The following CLDN18 variants were observed in gnomAD, a reference collection of about 807,000 sequenced individuals.
CLDN18 encodes claudin 18, also known as claudin-18.
In CLDN18, 20 loss-of-function variants were observed where a neutral mutation model predicts 25.0. That is an observed-to-expected ratio of 0.80 (90% CI 0.56 to 1.16). The LOEUF (loss-of-function observed/expected upper bound fraction) is 1.16. Among genes scored for constraint, CLDN18 ranks in the 50% most tolerant of loss-of-function variants. The pLI is 0.00. For synonymous variants in CLDN18, 125 were observed against 135.6 expected (o/e 0.92, Z 0.54); for missense variants, 297 against 345.4 (o/e 0.86, Z 1.11).
Position 138,031,342 on chromosome 3 carries a change from T to A in CLDN18, c.*201T>A. On this transcript the variant is annotated 3_prime_UTR_variant, in exon 5 of 5. Coordinates refer to ENST00000183605, the MANE Select transcript of CLDN18 (RefSeq NM_016369.4). ...TTCCACCATAAAACAGCTGAGTTAT[T>A]TATGAATTAGAGGCTATAGCTCACA... is the stretch of plus-strand genomic sequence containing the variant. 2.3e-6 allele frequency: 1 copy of A among 427,122 alleles called. No individual in the cohort carries two copies. Among genetic ancestry groups the A allele is most frequent in the Non-Finnish European group, 4.1e-6 (1 of 243,682 alleles). The allele number at this position is 427,122 out of a possible 1,614,324, so 26.5% of individuals were successfully genotyped here.
chr3:138,013,111 G>A (rs1942161364), intron 1 of CLDN18, among the ~76,000 whole-genome samples: 1 of 152,194 alleles, frequency 6.6e-6, no homozygotes, highest in Non-Finnish European at 1.5e-5. Flanking sequence ...AGTACGAATA[G>A]TTCATTTTAA....
At chr3:138,022,783 G>A (rs967065707) in intron 1 of CLDN18, among the ~76,000 whole-genome samples, 4 of 152,168 alleles carry the variant, frequency 2.6e-5, no homozygotes, top group African/African-American at 9.7e-5. Flanking sequence ...ACTGTCATTC[G>A]CCACTTTGGC....
At chr3:138,009,991 G>A (rs1291500133), upstream of CLDN18, 6 of 633,508 alleles carry the variant, frequency 9.5e-6, no homozygotes, top group Non-Finnish European at 1.6e-5. Context: ...AACCCACCCG[G>A]CCTGCGGAGA....
intron 4 of CLDN18, among the ~76,000 whole-genome samples, chr3:138,030,134 C>A (rs1219635401): frequency 1.3e-5 from 2 of 152,348 alleles, no homozygotes; most frequent in East Asian, 3.9e-4. Flanking sequence ...ATCCATCCTT[C>A]TTTGTTCCTT....
chr3:138,029,453 A>G (rs1377985833), intron 3 of CLDN18, among the ~76,000 whole-genome samples: 2 of 152,176 alleles, frequency 1.3e-5, no homozygotes, highest in Non-Finnish European at 2.9e-5. Context: ...TTGATTTTAT[A>G]TCTTTCAAAT....
chr3:138,019,536 T>C (rs1942247038), intron 1 of CLDN18, among the ~76,000 whole-genome samples: 1 of 152,162 alleles, frequency 6.6e-6, no homozygotes, highest in Non-Finnish European at 1.5e-5. Context: ...TCACTCCCAC[T>C]TCCACTTAGT....
intron 1 of CLDN18, among the ~76,000 whole-genome samples, chr3:138,001,514 G>A (rs557169961): frequency 9.5e-4 from 145 of 151,900 alleles, no homozygotes; most frequent in Non-Finnish European, 1.8e-3. Flanking sequence ...GAGCCACCGC[G>A]CCCGGCAACA....
At chr3:138,011,726 T>C (rs1942138542) in intron 1 of CLDN18, among the ~76,000 whole-genome samples, 1 of 152,174 alleles carries the variant, frequency 6.6e-6, no homozygotes, top group Admixed American at 6.5e-5. Flanking sequence ...TGATGTCTTA[T>C]GACTTCATGT....
At chr3:138,027,466 A>G (rs531971163) in intron 3 of CLDN18, among the ~76,000 whole-genome samples, 22 of 152,208 alleles carry the variant, frequency 1.4e-4, no homozygotes, top group Admixed American at 4.6e-4. Flanking sequence ...ATGCATTAAC[A>G]ATGAGAGTTT....
intron 3 of CLDN18, among the ~76,000 whole-genome samples, chr3:138,026,005 C>G (rs1278542790): frequency 2.6e-5 from 4 of 152,208 alleles, no homozygotes; most frequent in Non-Finnish European, 4.4e-5. Flanking sequence ...CTATAGAATT[C>G]TGAAAGGCCT....
chr3:138,008,664 G>A (rs529731424), upstream of CLDN18, among the ~76,000 whole-genome samples: 12 of 152,016 alleles, frequency 7.9e-5, no homozygotes, highest in East Asian at 5.8e-4. Flanking sequence ...AGTGAGTCAC[G>A]CCTGTAATCC....
intron 3 of CLDN18, among the ~76,000 whole-genome samples, chr3:138,028,296 C>G (rs1376887001): frequency 6.6e-6 from 1 of 152,152 alleles, no homozygotes; most frequent in African/African-American, 2.4e-5. Flanking sequence ...AACTCCCTAC[C>G]TCAGGCAATC....
chr3:138,020,114 G>A (rs1260001476), intron 1 of CLDN18, among the ~76,000 whole-genome samples: 1 of 152,170 alleles, frequency 6.6e-6, no homozygotes, highest in Non-Finnish European at 1.5e-5. Context: ...ATCCCAGAGG[G>A]TAGGACCATG....
At chr3:138,018,500 CTAA>C (rs1195276753) in intron 1 of CLDN18, among the ~76,000 whole-genome samples, 1 of 151,884 alleles carries the variant, frequency 6.6e-6, no homozygotes, top group African/African-American at 2.4e-5. Context: ...CTACGCCCGG[CTAA>C]TTTTTTGTAT....
In CLDN18 at chr3:138,026,803, G is replaced by A. The variant is rs542117747; in HGVS notation, c.503+2079G>A. 6.6e-5 allele frequency among the ~76,000 whole-genome samples: 10 copies of A among 152,296 alleles called. No homozygotes were observed. In the South Asian group the frequency reaches 1.9e-3, roughly 28 times the overall value. On this transcript the variant is annotated intron_variant, in intron 3 of 4. Transcript: ENST00000183605. ...GAAGGAAGGGAAGCCAAGCACGGGC[G>A]TGATTTCAGGTGAAGCCCTGAACTC... is the stretch of plus-strand genomic sequence containing the variant.
chr3:138,008,629 C>A (rs1217458350), upstream of CLDN18, among the ~76,000 whole-genome samples: 1 of 135,344 alleles, frequency 7.4e-6, no homozygotes, highest in Non-Finnish European at 1.7e-5. Context: ...TAAATAAAAA[C>A]AAAATATATC....
In CLDN18 at chr3:138,032,969, C is replaced by T. The variant is rs980722968; in HGVS notation, c.*1828C>T. On this transcript the variant is annotated 3_prime_UTR_variant, in exon 5 of 5. Transcript: ENST00000183605. ...GCCCCCTAGGAAACTGAGGTAAGAG[C>T]AGTCTCTAAAAACTACCCACAGCAG... The T allele has an allele frequency of 6.6e-6, 1 of 152,270 alleles. No homozygotes were observed. Among genetic ancestry groups the T allele is most frequent in the African/African-American group, 2.4e-5 (1 of 41,456 alleles). 9.4% of individuals were successfully genotyped at this position (152,270 alleles called of 1,614,324 possible). A position where few individuals can be genotyped will look rare whatever the true frequency, so the allele number is the denominator to read the frequency against.
At position 138,020,984 on chromosome 3, in the gene CLDN18, C is replaced by T. The variant is rs1559806735; in HGVS notation, c.221-2674C>T. Among the ~76,000 whole-genome samples the T allele has an allele frequency of 2.6e-5, 4 of 152,270 alleles. No individual in the cohort carries two copies. The South Asian group carries it at 8.3e-4, about 32-fold the overall frequency. On this transcript the variant is annotated intron_variant, in intron 1 of 4. Coordinates refer to ENST00000183605, the MANE Select transcript of CLDN18 (RefSeq NM_016369.4). ...TTGACTCCCAGCTCTGCCTCCTTTC[C>T]CTTGGTGTGTGTCCTTAGGCAAGTT... is the stretch of plus-strand genomic sequence containing the variant.
At position 138,032,819 on chromosome 3, in the gene CLDN18, G is replaced by A. The variant is rs1942412818; in HGVS notation, c.*1678G>A. ...AGAGTGGTTGGACCATCAGATGTTT[G>A]GGCAAAACTGAAAGCTCTTTGCAAC... On this transcript the variant is annotated 3_prime_UTR_variant, in exon 5 of 5. Transcript: ENST00000183605. 6.6e-6 allele frequency: 1 copy of A among 152,160 alleles called. No individual in the cohort carries two copies. The highest frequency in any genetic ancestry group is 6.5e-5 in the Admixed American group (1 of 15,272). 9.4% of individuals were successfully genotyped at this position (152,160 alleles called of 1,614,324 possible).
Sources: allele counts gnomAD v4.1 joint callset (sites outside exome capture counted in the v4.1 genomes callset), GRCh38; gene constraint gnomAD v4.1.1; transcripts MANE v1.5; gene names NCBI Gene and HGNC (gene_info 2026-07-23, HGNC 2026-07-21).